TTC23L: variants seen among roughly 807,000 people sequenced by gnomAD.
TTC23L encodes tetratricopeptide repeat protein 23-like.
In TTC23L, 42 loss-of-function variants were observed where a neutral mutation model predicts 48.1. That is an observed-to-expected ratio of 0.87 (90% confidence interval 0.68 to 1.13). TTC23L has a LOEUF of 1.13. TTC23L is among the 50% of genes most tolerant of loss of function. TTC23L has a pLI of 0.00. For missense variants in TTC23L, 391 were observed against 421.0 expected (o/e 0.93, Z 0.62); for synonymous variants, 159 against 157.2 (o/e 1.01, Z -0.09).
chr5:34,918,847 T>A, the TTC23L span: 1 of 153,146 alleles, frequency 6.5e-6, no homozygotes, highest in Non-Finnish European at 1.4e-5. Context: ...CTGTTTTTAT[T>A]GAAAAATGGA....
chr5:34,880,085 G>C, intron 8 of TTC23L, 96 bp from the exon 9 acceptor site: 1 of 1,439,762 alleles, frequency 6.9e-7, no homozygotes, highest in Non-Finnish European at 9.4e-7. Flanking sequence ...AACAAGCATG[G>C]ACTTTAAGCA....
At chr5:34,850,997 C>G (rs1052839160) in intron 4 of TTC23L, among the ~76,000 whole-genome samples, 2 of 152,146 alleles carry the variant, frequency 1.3e-5, no homozygotes, top group African/African-American at 2.4e-5. Context: ...AGCCATGTCC[C>G]CCTGTGTGGT....
At chr5:34,854,600 G>C (rs1437741174) in intron 4 of TTC23L, among the ~76,000 whole-genome samples, 1 of 152,186 alleles carries the variant, frequency 6.6e-6, no homozygotes, top group African/African-American at 2.4e-5. Context: ...CTGGCCTCCT[G>C]TGTAGGCGGA....
the TTC23L span, chr5:34,922,413 G>A: frequency 4.2e-4 from 376 of 889,044 alleles, 1 homozygote; most frequent in African/African-American, 4.0e-3. Flanking sequence ...TTGATTTCAC[G>A]AAACTTGATA....
intron 4 of TTC23L, among the ~76,000 whole-genome samples, chr5:34,855,149 TG>T: frequency 1.5e-5 from 1 of 64,538 alleles, no homozygotes; most frequent in African/African-American, 1.1e-4. Context: ...AAGATGAACC[TG>T]GAAAGGAGAA....
chr5:34,896,685 T>C, intron 9 of TTC23L, 85 bp from the exon 10 acceptor site: 1 of 732,666 alleles, frequency 1.4e-6, no homozygotes, highest in Admixed American at 1.9e-5. Context: ...TGGAATAGCA[T>C]TCTCAGTGCA....
intron 4 of TTC23L, among the ~76,000 whole-genome samples, chr5:34,851,447 A>G (rs571248936): frequency 6.6e-6 from 1 of 152,252 alleles, no homozygotes; most frequent in South Asian, 2.1e-4. Context: ...GCAACTTTAG[A>G]TTCATTTATT....
chr5:34,871,751 T>G (rs967199850), intron 8 of TTC23L, among the ~76,000 whole-genome samples: 2 of 152,194 alleles, frequency 1.3e-5, no homozygotes, highest in Non-Finnish European at 2.9e-5. Context: ...CTAACAGAGA[T>G]AGAGTTATTG....
chr5:34,846,592 TATATATATACACACAC>T (rs1377659806), intron 3 of TTC23L, among the ~76,000 whole-genome samples: 12 of 125,574 alleles, frequency 9.6e-5, no homozygotes, highest in South Asian at 2.5e-4. Context: ...TATATATATA[TATATATATACACACAC>T]ATATATATAC....
At chr5:34,854,706 C>A (rs966389297) in intron 4 of TTC23L, among the ~76,000 whole-genome samples, 5 of 152,232 alleles carry the variant, frequency 3.3e-5, no homozygotes, top group African/African-American at 1.2e-4. Flanking sequence ...CCTTTTCCAG[C>A]AGCCAAAAGG....
At chr5:34,840,875 C>T in intron 2 of TTC23L, 136 bp downstream of exon 2, 6 of 792,122 alleles carry the variant, frequency 7.6e-6, no homozygotes, top group African/African-American at 1.7e-5. Flanking sequence ...GGTGAAACCC[C>T]GTCTCTACTA....
intron 4 of TTC23L, among the ~76,000 whole-genome samples, chr5:34,853,271 A>G (rs1403106888): frequency 6.6e-6 from 1 of 152,088 alleles, no homozygotes; most frequent in Non-Finnish European, 1.5e-5. Flanking sequence ...TGACTCATGC[A>G]TGTAATCCCA....
At chr5:34,842,013 C>T (rs1758723592) in intron 2 of TTC23L, among the ~76,000 whole-genome samples, 1 of 152,194 alleles carries the variant, frequency 6.6e-6, no homozygotes, top group South Asian at 2.1e-4. Flanking sequence ...CTAGATGCTG[C>T]CAGATTTCCC....
Position 34,845,675 on chromosome 5 carries a change from T to G in TTC23L, c.255+2T>G. On this transcript the variant is annotated splice_donor_variant, in intron 3 of 10. Coordinates refer to ENST00000505624, the Ensembl canonical transcript of TTC23L. LOFTEE classifies it high-confidence loss of function. ...GCTCAGCTGATTAAGGAAAAAATGG[T>G]AAAACAAAAAACTCACTAAAATTTT... 2 of 1,597,384 alleles carry G rather than the reference T, an allele frequency of 1.3e-6. No homozygotes were observed. Among genetic ancestry groups the G allele is most frequent in the Non-Finnish European group, 1.7e-6 (2 of 1,175,364 alleles).
In TTC23L at chr5:34,887,982, C is replaced by T. The variant is rs190256711; in HGVS notation, c.1077+7674C>T. 7.2e-4 allele frequency among the ~76,000 whole-genome samples: 109 copies of T among 152,268 alleles called. 1 individual carries two copies. The East Asian group carries it at 0.021, about 29-fold the overall frequency. On this transcript the variant is annotated intron_variant, in intron 9 of 10. Coordinates refer to ENST00000505624, the Ensembl canonical transcript of TTC23L. The stretch of plus-strand genomic sequence containing the variant: ...TGTGCAGTAGATGGAATGCTTGTGT[C>T]CCTTCAAAATTCATATGTTGAAACC...
At chr5:34,888,290 A>G (rs1474280841) in intron 9 of TTC23L, among the ~76,000 whole-genome samples, 1 of 152,224 alleles carries the variant, frequency 6.6e-6, no homozygotes, top group African/African-American at 2.4e-5. Flanking sequence ...GGTAGGGGCT[A>G]CATCTTTGTT....
At chr5:34,911,648 G>A in the TTC23L span, 1 of 1,614,140 alleles carries the variant, frequency 6.2e-7, no homozygotes, top group Non-Finnish European at 8.5e-7. Context: ...TCTGACTGCA[G>A]AATAATTTTA....
chr5:34,860,836 T>A (rs951778611), intron 4 of TTC23L: 1 of 152,296 alleles, frequency 6.6e-6, no homozygotes, highest in Non-Finnish European at 1.5e-5. Context: ...TCCTACTAGG[T>A]GAGATTTGGC....
chr5:34,924,866 C>A, the TTC23L span: 1 of 1,605,030 alleles, frequency 6.2e-7, no homozygotes, highest in Non-Finnish European at 8.5e-7. Flanking sequence ...GAAGATGCTG[C>A]TCTTGTAGAA....
Sources: allele counts gnomAD v4.1 joint callset (sites outside exome capture counted in the v4.1 genomes callset), GRCh38; gene constraint gnomAD v4.1.1; transcripts MANE v1.5; gene names NCBI Gene and HGNC (gene_info 2026-07-23, HGNC 2026-07-21).